GRID2: variants seen among roughly 807,000 people sequenced by gnomAD.
The protein encoded by GRID2 is glutamate receptor ionotropic, delta-2.
GRID2 carries 33 observed loss-of-function variants against 114.8 expected under a neutral mutation model. That is an observed-to-expected ratio of 0.29 (90% CI 0.22 to 0.38). The LOEUF (loss-of-function observed/expected upper bound fraction) is 0.38. GRID2 is among the 10% of genes least tolerant of loss of function. The probability of loss-of-function intolerance (pLI) is 1.00; values close to 1 mark genes in which losing one functional copy is unlikely to be tolerated. For synonymous variants in GRID2, 505 were observed against 449.9 expected (o/e 1.12, Z -1.55); for missense variants, 1,184 against 1,257.7 (o/e 0.94, Z 0.89).
rs917483562 is a variant in GRID2, at chr4:92,488,001, T to G, written c.89-102130T>G. ...TTGTTTTTCCTCTTTCTGATTCAGT[T>G]TGTAGAACTTCTTTTGATTCAGATT... is the stretch of plus-strand genomic sequence containing the variant. On this transcript the variant is annotated intron_variant, in intron 1 of 15. Transcript: ENST00000282020. Among the ~76,000 whole-genome samples, 4 of 152,314 alleles carry G rather than the reference T, an allele frequency of 2.6e-5. No homozygotes were observed. In the East Asian group the frequency reaches 7.7e-4, roughly 29 times the overall value.
At chr4:93,350,765 A>C (rs1032840308) in intron 8 of GRID2, among the ~76,000 whole-genome samples, 1 of 152,028 alleles carries the variant, frequency 6.6e-6, no homozygotes, top group African/African-American at 2.4e-5. Flanking sequence ...AGAACCAGAC[A>C]CCAAATCCCA....
At chr4:93,424,758 C>T (rs1768673969) in intron 10 of GRID2, among the ~76,000 whole-genome samples, 1 of 151,520 alleles carries the variant, frequency 6.6e-6, no homozygotes, top group Admixed American at 6.6e-5. Flanking sequence ...TTTTTTTTAC[C>T]TTCTTTCCTT....
intron 14 of GRID2, among the ~76,000 whole-genome samples, chr4:93,634,717 A>G (rs758088346): frequency 7.9e-5 from 12 of 152,138 alleles, no homozygotes; most frequent in African/African-American, 2.7e-4. Context: ...TTTTAATTGA[A>G]GAAGGCCATT....
intron 1 of GRID2, among the ~76,000 whole-genome samples, chr4:92,370,500 A>C (rs2110217248): frequency 6.6e-6 from 1 of 152,206 alleles, no homozygotes; most frequent in South Asian, 2.1e-4. Context: ...AAATACAAAA[A>C]CTAGCCAGGC....
chr4:93,455,795 C>T lies in GRID2; in HGVS notation c.1679C>T (p.Ala560Val). Residue 560 changes from alanine to valine, a missense_variant, in exon 11 of 16, where the codon GCC becomes GTC. Ala to Val is a moderately conservative substitution (Grantham distance 64). Coordinates refer to ENST00000282020, the MANE Select transcript of GRID2 (RefSeq NM_001510.4). The part of the protein sequence containing the change: ...RRAEKTVDMF[A>V]CLAPFDLSLW... Reference sequence around the variant, plus strand: ...GCTGAAAAGACAGTGGATATGTTTGCCTGTCTTGCACCATTTGATCTCTCT... The same window carrying T: ...GCTGAAAAGACAGTGGATATGTTTGTCTGTCTTGCACCATTTGATCTCTCT... 3 of 1,613,098 alleles carry T rather than the reference C, an allele frequency of 1.9e-6. No individual in the cohort carries two copies. The highest frequency in any genetic ancestry group is 2.5e-6 in the Non-Finnish European group (3 of 1,179,114).
At position 92,618,592 on chromosome 4, in the gene GRID2, A is replaced by G. The variant is rs755680388; in HGVS notation, c.244+28306A>G. ...TTGAATCTATAGGTTGCTTTGGGAA[A>G]TATGGTCATTTTAGCAATATTAACT... On this transcript the variant is annotated intron_variant, in intron 2 of 15. Transcript: ENST00000282020. Among the ~76,000 whole-genome samples, 72 of 151,650 alleles carry G rather than the reference A, an allele frequency of 4.7e-4. 1 individual carries two copies. Among genetic ancestry groups the G allele is most frequent in the Non-Finnish European group, 1.3e-4 (9 of 67,776 alleles).
intron 8 of GRID2, among the ~76,000 whole-genome samples, chr4:93,253,181 G>T (rs968856224): frequency 6.6e-6 from 1 of 151,806 alleles, no homozygotes; most frequent in Non-Finnish European, 1.5e-5. Context: ...GCGTGAACCC[G>T]GGAGGTGGAG....
At chr4:93,532,109 C>G (rs188858519) in intron 13 of GRID2, among the ~76,000 whole-genome samples, 1 of 152,210 alleles carries the variant, frequency 6.6e-6, no homozygotes, top group South Asian at 2.1e-4. Flanking sequence ...TTTGCCTAAA[C>G]GTTGCACATA....
intron 11 of GRID2, among the ~76,000 whole-genome samples, chr4:93,474,498 T>C (rs1047895048): frequency 6.6e-6 from 1 of 152,202 alleles, no homozygotes; most frequent in African/African-American, 2.4e-5. Flanking sequence ...CAAACTCTTA[T>C]TCTGTTTGTT....
chr4:92,357,017 A>G (rs1371558511), intron 1 of GRID2, among the ~76,000 whole-genome samples: 1 of 151,830 alleles, frequency 6.6e-6, no homozygotes, highest in Non-Finnish European at 1.5e-5. Context: ...ACGGATCCAC[A>G]AAACCTATAG....
intron 8 of GRID2, among the ~76,000 whole-genome samples, chr4:93,343,494 C>G (rs1414184058): frequency 6.6e-6 from 1 of 151,964 alleles, no homozygotes; most frequent in Admixed American, 6.6e-5. Context: ...AAAAAAGATA[C>G]AGTGAAAGGG....
At chr4:93,463,257 G>T (rs866996028) in intron 11 of GRID2, among the ~76,000 whole-genome samples, 17 of 152,268 alleles carry the variant, frequency 1.1e-4, no homozygotes, top group African/African-American at 4.1e-4. Flanking sequence ...CAATAGTGAG[G>T]AGTAATTTGT....
chr4:93,123,937 C>T (rs1040740700), intron 4 of GRID2, among the ~76,000 whole-genome samples: 1 of 128,206 alleles, frequency 7.8e-6, no homozygotes, highest in Admixed American at 1.0e-4. Flanking sequence ...AGTAGTTAGA[C>T]TGGACCTAAT....
intron 1 of GRID2, among the ~76,000 whole-genome samples, chr4:92,448,475 A>G (rs1321634068): frequency 2.6e-5 from 4 of 152,048 alleles, no homozygotes; most frequent in Non-Finnish European, 4.4e-5. Flanking sequence ...CCCGAGTAGT[A>G]TTGATTTTTA....
chr4:93,721,874 A>G (rs1729401887), intron 14 of GRID2, among the ~76,000 whole-genome samples: 1 of 151,956 alleles, frequency 6.6e-6, no homozygotes, highest in South Asian at 2.1e-4. Flanking sequence ...TCTATAGTTG[A>G]AGAAACTTGA....
intron 14 of GRID2, among the ~76,000 whole-genome samples, chr4:93,630,627 G>A (rs763296408): frequency 6.6e-6 from 1 of 152,132 alleles, no homozygotes; most frequent in Non-Finnish European, 1.5e-5. Flanking sequence ...AAACAATTAC[G>A]TGTTCCAAGT....
chr4:93,753,666 C>A (rs1732515572), intron 14 of GRID2, among the ~76,000 whole-genome samples: 1 of 152,182 alleles, frequency 6.6e-6, no homozygotes, highest in South Asian at 2.1e-4. Flanking sequence ...CTACAAAGGA[C>A]ATGAACTTAT....
At chr4:93,237,139 T>A (rs1483854698) in intron 7 of GRID2, among the ~76,000 whole-genome samples, 1 of 151,982 alleles carries the variant, frequency 6.6e-6, no homozygotes, top group African/African-American at 2.4e-5. Flanking sequence ...CCAGGAAGTG[T>A]GACCTATGTT....
At chr4:93,681,874 G>A (rs1725584310) in intron 14 of GRID2, among the ~76,000 whole-genome samples, 1 of 151,746 alleles carries the variant, frequency 6.6e-6, no homozygotes, top group African/African-American at 2.4e-5. Flanking sequence ...GCATGGGCAA[G>A]GACTTCATGT....
Sources: allele counts gnomAD v4.1 joint callset (sites outside exome capture counted in the v4.1 genomes callset), GRCh38; gene constraint gnomAD v4.1.1; transcripts MANE v1.5; gene names NCBI Gene and HGNC (gene_info 2026-07-23, HGNC 2026-07-21).